DLGAP2: variants seen among roughly 807,000 people sequenced by gnomAD.
The protein encoded by DLGAP2 is DLG associated protein 2, also known as disks large-associated protein 2.
DLGAP2 carries 26 observed loss-of-function variants against 100.3 expected under a neutral mutation model. That is an observed-to-expected ratio of 0.26 (90% CI 0.19 to 0.36). The LOEUF is 0.36. DLGAP2 is among the 10% of genes least tolerant of loss of function. The pLI is 1.00. For synonymous variants in DLGAP2, 886 were observed against 630.1 expected (o/e 1.41, Z -6.08); for missense variants, 1,858 against 1,453.2 (o/e 1.28, Z -4.53).
chr8:1,199,908 T>G (rs1473997384), intron 2 of DLGAP2, among the ~76,000 whole-genome samples: 1 of 151,700 alleles, frequency 6.6e-6, no homozygotes, highest in Admixed American at 6.6e-5. Flanking sequence ...CCCCCTCCCC[T>G]GGTGATGACA....
At chr8:1,219,945 A>T (rs1445352281) in intron 2 of DLGAP2, among the ~76,000 whole-genome samples, 1 of 151,788 alleles carries the variant, frequency 6.6e-6, no homozygotes, top group Non-Finnish European at 1.5e-5. Context: ...ATTTCTGTGG[A>T]ATCAACAGTA....
chr8:1,130,766 C>T (rs138516918), intron 2 of DLGAP2, among the ~76,000 whole-genome samples: 140 of 152,320 alleles, frequency 9.2e-4, no homozygotes, highest in African/African-American at 2.6e-3. Context: ...GTCATCTTTG[C>T]GGGAAAATGG....
intron 1 of DLGAP2, among the ~76,000 whole-genome samples, chr8:759,501 G>T (rs960588404): frequency 6.6e-6 from 1 of 151,280 alleles, no homozygotes; most frequent in African/African-American, 2.4e-5. Flanking sequence ...GTTGACGTGG[G>T]GCTCCCTCCT....
chr8:1,349,640 CCACACACA>C (rs1801660122), intron 3 of DLGAP2, among the ~76,000 whole-genome samples: 1 of 66,362 alleles, frequency 1.5e-5, no homozygotes. Context: ...CCGCCCACAT[CCACACACA>C]GGTAGGAAGG....
chr8:1,646,089 G>C (rs1036300609), intron 8 of DLGAP2, among the ~76,000 whole-genome samples: 12 of 152,188 alleles, frequency 7.9e-5, no homozygotes, highest in African/African-American at 2.9e-4. Flanking sequence ...ATTATTGTGG[G>C]TGTGTCTGAG....
chr8:1,296,066 C>T (rs1010144573), intron 3 of DLGAP2: 1 of 152,136 alleles, frequency 6.6e-6, no homozygotes, highest in Non-Finnish European at 1.5e-5. Flanking sequence ...TTTGGCTTTA[C>T]CTGCTGTTCG....
chr8:915,314 G>C (rs968660449), intron 2 of DLGAP2, among the ~76,000 whole-genome samples: 1 of 152,306 alleles, frequency 6.6e-6, no homozygotes, highest in South Asian at 2.1e-4. Context: ...TTGGGAGGCC[G>C]AGGTGGGTGG....
intron 4 of DLGAP2, among the ~76,000 whole-genome samples, chr8:1,505,277 G>C (rs904822599): frequency 6.6e-6 from 1 of 152,172 alleles, no homozygotes; most frequent in Non-Finnish European, 1.5e-5. Flanking sequence ...TAGTGAATGA[G>C]TAACTATCAT....
At chr8:868,530 C>T (rs1797538931) in intron 1 of DLGAP2, among the ~76,000 whole-genome samples, 1 of 152,238 alleles carries the variant, frequency 6.6e-6, no homozygotes, top group Admixed American at 6.5e-5. Flanking sequence ...GAGTCAGTCT[C>T]AAGTGACCGG....
intron 3 of DLGAP2, among the ~76,000 whole-genome samples, chr8:1,428,461 CAA>C (rs1345510965): frequency 1.3e-5 from 2 of 151,852 alleles, no homozygotes; most frequent in Non-Finnish European, 2.9e-5. Context: ...CCAGGGAATA[CAA>C]AAGAGGGGAA....
chr8:1,289,732 A>T (rs770328995), intron 3 of DLGAP2, among the ~76,000 whole-genome samples: 1 of 152,194 alleles, frequency 6.6e-6, no homozygotes, highest in Non-Finnish European at 1.5e-5. Context: ...GAGACTGTGC[A>T]ACCCCAGGAG....
At chr8:1,425,007 C>T (rs117952597) in intron 3 of DLGAP2, among the ~76,000 whole-genome samples, 274 of 152,228 alleles carry the variant, frequency 1.8e-3, no homozygotes, top group Non-Finnish European at 3.2e-3. Context: ...GACAAAAATG[C>T]CCATGATGGT....
At chr8:1,589,016 G>T (rs776805322) in intron 6 of DLGAP2, among the ~76,000 whole-genome samples, 1 of 152,174 alleles carries the variant, frequency 6.6e-6, no homozygotes, top group South Asian at 2.1e-4. Flanking sequence ...TTGAGCAAAT[G>T]CCATGGTACC....
At chr8:1,167,971 G>A (rs1251092169) in intron 2 of DLGAP2, among the ~76,000 whole-genome samples, 1 of 151,588 alleles carries the variant, frequency 6.6e-6, no homozygotes, top group Non-Finnish European at 1.5e-5. Context: ...ATGCTGGTGT[G>A]CTGCACCCAT....
At chr8:879,998 T>G (rs1237373386) in intron 1 of DLGAP2, among the ~76,000 whole-genome samples, 1 of 152,212 alleles carries the variant, frequency 6.6e-6, no homozygotes, top group East Asian at 1.9e-4. Context: ...CAGCAACCAG[T>G]GGGTGCCCTT....
At chr8:1,309,996 G>C (rs1218225398) in intron 3 of DLGAP2, among the ~76,000 whole-genome samples, 1 of 149,746 alleles carries the variant, frequency 6.7e-6, no homozygotes, top group Non-Finnish European at 1.5e-5. Flanking sequence ...TTGGGAGGCT[G>C]AGGCAGGAGA....
rs1235739408 is a variant in DLGAP2, at chr8:1,704,454, G to A, written c.*3048G>A. ...AGGACCTAGCGTTTAGCCCGGGAAA[G>A]GAGAATGCTGCTTGTCACCTAGAGT... is the stretch of plus-strand genomic sequence containing the variant. On this transcript the variant is annotated 3_prime_UTR_variant, in exon 15 of 15. Coordinates refer to ENST00000637795, the MANE Select transcript of DLGAP2 (RefSeq NM_001346810.2). 2 of 152,260 alleles carry A rather than the reference G, an allele frequency of 1.3e-5. No individual in the cohort carries two copies. Among genetic ancestry groups the A allele is most frequent in the African/African-American group, 4.8e-5 (2 of 41,468 alleles). 9.4% of individuals were successfully genotyped at this position (152,260 alleles called of 1,614,324 possible). A position where few individuals can be genotyped will look rare whatever the true frequency, so the allele number is the denominator to read the frequency against.
At chr8:1,325,748 G>T (rs1275707528) in intron 3 of DLGAP2, among the ~76,000 whole-genome samples, 7 of 152,182 alleles carry the variant, frequency 4.6e-5, no homozygotes, top group Non-Finnish European at 7.3e-5. Flanking sequence ...AAAAATGACA[G>T]ACTCAGGTCT....
chr8:1,505,636 G>C (rs927756128), intron 4 of DLGAP2, among the ~76,000 whole-genome samples: 7 of 152,196 alleles, frequency 4.6e-5, no homozygotes, highest in Admixed American at 2.0e-4. Context: ...TAAAATTAAA[G>C]TCACTGATAA....
Sources: gnomAD v4.1 joint callset for allele counts (sites outside exome capture counted in the v4.1 genomes callset) on GRCh38, gnomAD v4.1.1 for gene constraint, MANE v1.5 for transcripts, NCBI Gene and HGNC (gene_info 2026-07-23, HGNC 2026-07-21) for gene names.